Variants in C6 observed in about 807,000 individuals in gnomAD.
C6 encodes the protein complement component C6.
Under a neutral mutation model 112.9 loss-of-function variants are expected in C6, and 101 were observed. The observed-to-expected ratio is 0.89, with a 90% confidence interval of 0.76 to 1.06. The LOEUF is 1.06. Ranked by LOEUF, C6 falls within the 50% of genes least tolerant of loss-of-function variation. C6 has a pLI of 0.00. For missense variants in C6, 1,202 were observed against 1,104.6 expected (o/e 1.09, Z -1.25); for synonymous variants, 431 against 384.1 (o/e 1.12, Z -1.43).
chr5:41,145,442 A>G (rs1157450460), intron 17 of C6, among the ~76,000 whole-genome samples: 1 of 152,212 alleles, frequency 6.6e-6, no homozygotes, highest in Admixed American at 6.5e-5. Context: ...GCATGCAGGT[A>G]TAAGTGTACA....
At chr5:41,181,956 T>G (rs1261326393) in intron 6 of C6, among the ~76,000 whole-genome samples, 1 of 152,194 alleles carries the variant, frequency 6.6e-6, no homozygotes, top group East Asian at 1.9e-4. Context: ...TACTTTTCAG[T>G]TCTGACAACT....
At chr5:41,255,758 C>T (rs1214607556) in intron 1 of C6, among the ~76,000 whole-genome samples, 1 of 152,174 alleles carries the variant, frequency 6.6e-6, no homozygotes, top group African/African-American at 2.4e-5. Flanking sequence ...TCTTAATTCC[C>T]AGAGAAGGGA....
At chr5:41,180,933 T>G (rs1386211779) in intron 7 of C6, among the ~76,000 whole-genome samples, 1 of 151,880 alleles carries the variant, frequency 6.6e-6, no homozygotes, top group Non-Finnish European at 1.5e-5. Flanking sequence ...TTTACATAAA[T>G]GTAGCAAAAT....
intron 17 of C6, 29 bp downstream of exon 17, chr5:41,149,212 C>T (rs369060263): frequency 6.2e-7 from 1 of 1,613,176 alleles, no homozygotes. Flanking sequence ...TAAGTGAGAG[C>T]ATTTAGTATG....
chr5:41,207,594 C>T (rs1052819354), intron 1 of C6, among the ~76,000 whole-genome samples: 1 of 152,138 alleles, frequency 6.6e-6, no homozygotes, highest in African/African-American at 2.4e-5. Context: ...TCTGATAAAA[C>T]AGACTTTAAA....
intron 1 of C6, among the ~76,000 whole-genome samples, chr5:41,211,318 C>CATGGCAT (rs3042203): frequency 0.51 from 76,361 of 151,078 alleles, 20,211 homozygotes; most frequent in Non-Finnish European, 0.6. Flanking sequence ...AGTACACCAA[C>CATGGCAT]ATGGCATATG....
At chr5:41,153,788 A>G in intron 15 of C6, 22 bp downstream of exon 15, 2 of 1,593,306 alleles carry the variant, frequency 1.3e-6, no homozygotes, top group Non-Finnish European at 1.7e-6. Context: ...ATCAGACCCC[A>G]GAACACTGAG....
At chr5:41,161,330 T>C (rs142954771) in intron 10 of C6, among the ~76,000 whole-genome samples, 48 of 152,222 alleles carry the variant, frequency 3.2e-4, no homozygotes, top group Non-Finnish European at 5.7e-4. Flanking sequence ...AATGAAGACT[T>C]AGGAGTGTTC....
At chr5:41,167,052 A>T (rs1016004535) in intron 9 of C6, among the ~76,000 whole-genome samples, 1 of 151,676 alleles carries the variant, frequency 6.6e-6, no homozygotes, top group Non-Finnish European at 1.5e-5. Flanking sequence ...TAATTTTTTT[A>T]TGTGTTTTTA....
In C6 at chr5:41,142,612, G is replaced by T. The variant is rs1580005423; in HGVS notation, c.*213C>A. On this transcript the variant is annotated 3_prime_UTR_variant, in exon 18 of 18. Transcript: ENST00000337836. ...ACTGCTGTGGAAGTTGGTACCTAGGGGTATGCTACAGGGCGTCATGAGCTG... is the reference window on the plus strand; with the variant it reads ...ACTGCTGTGGAAGTTGGTACCTAGGTGTATGCTACAGGGCGTCATGAGCTG... 3 of 586,990 alleles carry T rather than the reference G, an allele frequency of 5.1e-6. No homozygotes were observed. Among genetic ancestry groups the T allele is most frequent in the East Asian group, 5.7e-5 (2 of 35,180 alleles). 36.4% of individuals were successfully genotyped at this position (586,990 alleles called of 1,614,324 possible).
chr5:41,205,764 G>T (rs1751387167), intron 1 of C6, among the ~76,000 whole-genome samples: 1 of 152,192 alleles, frequency 6.6e-6, no homozygotes, highest in Non-Finnish European at 1.5e-5. Context: ...AAGGAGGCCT[G>T]CCTGCCTCTG....
chr5:41,178,549 C>T lies in C6; in HGVS notation c.928-1834G>A, dbSNP rs111285670. On this transcript the variant is annotated intron_variant, in intron 7 of 17. Transcript: ENST00000337836. ...GGAGTGCAGTGGTGCCATCTTGGCT[C>T]ATTGCAACCTTTGCCTCCTGGGTTC... 9.4e-3 allele frequency among the ~76,000 whole-genome samples: 1,327 copies of T among 141,614 alleles called. 18 individuals carry two copies. The highest frequency in any genetic ancestry group is 0.032 in the African/African-American group (1,230 of 37,876). The allele number at this position is 141,614 out of a possible 152,430, so 92.9% of individuals were successfully genotyped here.
rs75870538 is a variant in C6, at chr5:41,181,385, G to C, written c.901C>G (p.Gln301Glu). ...TTTTTGTGAGAGGCTTGAATGGCTT[G>C]TTTGAAGGCAGAATTATGGTTGATA... Reference protein sequence around the residue: ...ENINHNSAFKQAIQASHKKDS... With the variant: ...ENINHNSAFKEAIQASHKKDS... Residue 301 changes from glutamine to glutamate, a missense_variant, in exon 7 of 18, where the codon CAA (glutamine) becomes GAA (glutamate). Gln to Glu is a conservative substitution (Grantham distance 29). Transcript: ENST00000337836. 2.5e-6 allele frequency: 4 copies of C among 1,613,634 alleles called. No homozygotes were observed. Among genetic ancestry groups the C allele is most frequent in the Admixed American group, 3.3e-5 (2 of 60,010 alleles).
intron 1 of C6, among the ~76,000 whole-genome samples, chr5:41,255,387 C>T (rs1741631839): frequency 6.6e-6 from 1 of 150,650 alleles, no homozygotes; most frequent in African/African-American, 2.4e-5. Context: ...AGAGTCTTAA[C>T]ATGGTTACAC....
intron 1 of C6, chr5:41,213,027 G>A (rs1036535925): frequency 5.3e-5 from 8 of 152,088 alleles, no homozygotes; most frequent in Admixed American, 5.2e-4. Flanking sequence ...TGCATGCCCA[G>A]AGGCTCAAGA....
intron 1 of C6, among the ~76,000 whole-genome samples, chr5:41,224,821 G>A (rs531540200): frequency 1.3e-5 from 2 of 152,204 alleles, no homozygotes; most frequent in South Asian, 4.1e-4. Context: ...TTAAGGAACT[G>A]TCAAATTATT....
At chr5:41,225,015 T>C (rs2150407657) in intron 1 of C6, among the ~76,000 whole-genome samples, 1 of 152,316 alleles carries the variant, frequency 6.6e-6, no homozygotes, top group East Asian at 1.9e-4. Flanking sequence ...TTCATGTGCT[T>C]ACTGGCCATT....
chr5:41,159,413 G>T (rs371045156), intron 11 of C6, 160 bp from the exon 12 acceptor site: 3 of 978,914 alleles, frequency 3.1e-6, no homozygotes, highest in East Asian at 1.1e-4. Context: ...TGTGCAAGGG[G>T]CCTGACACAT....
At chr5:41,235,310 C>A (rs372075808) in intron 1 of C6, among the ~76,000 whole-genome samples, 112 of 141,046 alleles carry the variant, frequency 7.9e-4, no homozygotes, top group East Asian at 6.6e-3. Flanking sequence ...CCCACCTATG[C>A]GTGAGAATAT....
Sources: allele counts gnomAD v4.1 joint callset (sites outside exome capture counted in the v4.1 genomes callset), GRCh38; gene constraint gnomAD v4.1.1; transcripts MANE v1.5; gene names NCBI Gene and HGNC (gene_info 2026-07-23, HGNC 2026-07-21).